TEAD1: variants seen among roughly 807,000 people sequenced by gnomAD.
TEAD1 encodes the protein TEA domain transcription factor 1, also known as transcriptional enhancer factor TEF-1.
In TEAD1, 9 loss-of-function variants were observed where a neutral mutation model predicts 54.9. The ratio of observed to expected loss-of-function variants is 0.16; its 90% CI spans 0.10 to 0.29. TEAD1 has a LOEUF of 0.29. Ranked by LOEUF, TEAD1 falls within the 10% of genes least tolerant of loss-of-function variation. The pLI is 1.00. For missense variants in TEAD1, 387 were observed against 535.9 expected (o/e 0.72, Z 2.74); for synonymous variants, 200 against 187.8 (o/e 1.07, Z -0.53).
At chr11:12,863,859 C>T (rs1245792877) in intron 4 of TEAD1, among the ~76,000 whole-genome samples, 2 of 152,088 alleles carry the variant, frequency 1.3e-5, no homozygotes, top group South Asian at 2.1e-4. Flanking sequence ...TTTCCACGCC[C>T]CGGCATCCTG....
At chr11:12,741,068 A>G (rs1250908003) in intron 2 of TEAD1, among the ~76,000 whole-genome samples, 1 of 152,178 alleles carries the variant, frequency 6.6e-6, no homozygotes, top group Admixed American at 6.5e-5. Flanking sequence ...CTAACTTAGT[A>G]ACTATTTCCT....
chr11:12,858,428 CCAA>C (rs1947436107), intron 3 of TEAD1, among the ~76,000 whole-genome samples: 1 of 151,976 alleles, frequency 6.6e-6, no homozygotes, highest in African/African-American at 2.4e-5. Context: ...GCCTGTATTT[CCAA>C]ATTAAAATGT....
At chr11:12,749,577 G>A (rs1424120616) in intron 2 of TEAD1, among the ~76,000 whole-genome samples, 1 of 152,178 alleles carries the variant, frequency 6.6e-6, no homozygotes. Context: ...GCTGGAGAGG[G>A]CTCACAGCAC....
At chr11:12,886,039 T>C (rs1290462610) in intron 9 of TEAD1, among the ~76,000 whole-genome samples, 1 of 152,206 alleles carries the variant, frequency 6.6e-6, no homozygotes, top group Non-Finnish European at 1.5e-5. Flanking sequence ...TACTGAACGC[T>C]GTGAGTAACA....
chr11:12,886,862 C>A (rs576146660), intron 9 of TEAD1, among the ~76,000 whole-genome samples: 10 of 151,972 alleles, frequency 6.6e-5, no homozygotes, highest in South Asian at 4.2e-4. Context: ...AATAATAATA[C>A]CCCCTAATAG....
chr11:12,777,258 A>AAATATTTG (rs1350010137), intron 3 of TEAD1, among the ~76,000 whole-genome samples: 8 of 151,998 alleles, frequency 5.3e-5, no homozygotes, highest in African/African-American at 1.9e-4. Context: ...CCTTTGGGGG[A>AAATATTTG]AATATTTGTC....
chr11:12,795,590 T>A (rs995488299), intron 3 of TEAD1, among the ~76,000 whole-genome samples: 2 of 152,212 alleles, frequency 1.3e-5, no homozygotes, highest in Non-Finnish European at 2.9e-5. Context: ...CAGAATCACT[T>A]GGAGGGCTGA....
At chr11:12,844,613 G>C (rs1178759045) in intron 3 of TEAD1, among the ~76,000 whole-genome samples, 1 of 152,082 alleles carries the variant, frequency 6.6e-6, no homozygotes, top group Non-Finnish European at 1.5e-5. Context: ...TATGGCAGTG[G>C]AGCATTTGCT....
chr11:12,813,463 G>T (rs2133991477), intron 3 of TEAD1, among the ~76,000 whole-genome samples: 1 of 152,274 alleles, frequency 6.6e-6, no homozygotes, highest in South Asian at 2.1e-4. Context: ...CCCAAATGTG[G>T]GCCTGGGAAA....
chr11:12,759,253 G>A (rs1945052689), intron 2 of TEAD1, among the ~76,000 whole-genome samples: 1 of 152,102 alleles, frequency 6.6e-6, no homozygotes, highest in South Asian at 2.1e-4. Context: ...TGGTGTCAGA[G>A]CACCTGCATT....
At chr11:12,769,417 A>G (rs903973760) in intron 3 of TEAD1, among the ~76,000 whole-genome samples, 8 of 152,216 alleles carry the variant, frequency 5.3e-5, no homozygotes, top group African/African-American at 1.9e-4. Context: ...GAGTGCACAC[A>G]AGTAAGTGGG....
At chr11:12,839,070 TC>T (rs1202523541) in intron 3 of TEAD1, among the ~76,000 whole-genome samples, 1 of 151,944 alleles carries the variant, frequency 6.6e-6, no homozygotes, top group Non-Finnish European at 1.5e-5. Flanking sequence ...TCCCAAATAT[TC>T]TTTTTTCTCA....
At chr11:12,823,250 A>C (rs1199379782) in intron 3 of TEAD1, among the ~76,000 whole-genome samples, 1 of 152,194 alleles carries the variant, frequency 6.6e-6, no homozygotes, top group East Asian at 1.9e-4. Flanking sequence ...CTAAATGGCA[A>C]ACCAAAGTGG....
intron 2 of TEAD1, among the ~76,000 whole-genome samples, chr11:12,747,336 G>A (rs11826129): frequency 0.36 from 54,364 of 151,776 alleles, 10,130 homozygotes; most frequent in South Asian, 0.61. Context: ...TAAAATTTTT[G>A]TTTTTTATTT....
In TEAD1 at chr11:12,930,216, A is replaced by G; in HGVS notation, c.1057A>G (p.Ile353Val). ...TGAGAATGGCCGATTTGTATACCGA[A>G]TAAACCGCTCCCCAATGTGTGAATA... Residue 353 changes from isoleucine (I) to valine (V), a missense_variant, in exon 12 of 13, where the codon ATA (isoleucine) becomes GTA (valine). Coordinates refer to ENST00000527636, the MANE Select transcript of TEAD1 (RefSeq NM_021961.6). 2 of 1,614,258 alleles carry G rather than the reference A, an allele frequency of 1.2e-6. No homozygotes were observed. Among genetic ancestry groups the G allele is most frequent in the Non-Finnish European group, 1.7e-6 (2 of 1,180,040 alleles).
chr11:12,758,411 T>G (rs1945030374), intron 2 of TEAD1, among the ~76,000 whole-genome samples: 1 of 142,162 alleles, frequency 7.0e-6, no homozygotes, highest in Admixed American at 6.9e-5. Context: ...GCTAGTTTTT[T>G]TTTTTTTTTT....
At chr11:12,897,087 C>T (rs959448068) in intron 9 of TEAD1, among the ~76,000 whole-genome samples, 1 of 152,150 alleles carries the variant, frequency 6.6e-6, no homozygotes, top group Admixed American at 6.5e-5. Flanking sequence ...CATTGACATT[C>T]GCCCTTTTTC....
intron 9 of TEAD1, among the ~76,000 whole-genome samples, chr11:12,901,300 T>C (rs933343303): frequency 1.3e-5 from 2 of 152,220 alleles, no homozygotes; most frequent in African/African-American, 4.8e-5. Context: ...GTGACCTGTG[T>C]TCTTTTTCAT....
intron 2 of TEAD1, among the ~76,000 whole-genome samples, chr11:12,695,500 T>A (rs1019393699): frequency 6.6e-6 from 1 of 152,198 alleles, no homozygotes; most frequent in African/African-American, 2.4e-5. Context: ...GACTGAATCT[T>A]GAATTGCTTA....
Sources: allele counts gnomAD v4.1 joint callset (sites outside exome capture counted in the v4.1 genomes callset), GRCh38; gene constraint gnomAD v4.1.1; transcripts MANE v1.5; gene names NCBI Gene and HGNC (gene_info 2026-07-23, HGNC 2026-07-21).